The following KRT34 variants were observed in gnomAD, a reference collection of about 807,000 sequenced individuals.
KRT34 encodes keratin, type I cuticular Ha4.
A neutral mutation model predicts 41.7 loss-of-function variants in KRT34; 31 were observed. That is an observed-to-expected ratio of 0.74 (90% CI 0.56 to 1.00). The LOEUF (loss-of-function observed/expected upper bound fraction) is 1.00. Among genes scored for constraint, KRT34 ranks in the 50% least tolerant of loss-of-function variants. KRT34 has a pLI of 0.00. For missense variants in KRT34, 523 were observed against 500.3 expected (o/e 1.05, Z -0.43); for synonymous variants, 224 against 212.9 (o/e 1.05, Z -0.45).
At position 41,379,603 on chromosome 17, in the gene KRT34, G is replaced by A; in HGVS notation, c.717C>T (p.Asn239=). The A allele has an allele frequency of 6.2e-7, 1 of 1,614,114 alleles. No individual in the cohort carries two copies. The highest frequency in any genetic ancestry group is 1.7e-5 in the Admixed American group (1 of 60,018). ...RSQYEALVEI[N]RREVEQWFAT... ...CGAACCATTGCTCCACTTCCCTGCGGTTAATTTCCACCAGAGCCTCATACT... is the reference window on the plus strand; with the variant it reads ...CGAACCATTGCTCCACTTCCCTGCGATTAATTTCCACCAGAGCCTCATACT... The change falls in exon 4 of 7, where the codon AAC becomes AAT. Residue 239 remains asparagine (N), a synonymous_variant. Transcript: ENST00000394001.
chr17:41,381,174 G>A lies in KRT34; in HGVS notation c.470C>T (p.Ser157Leu), dbSNP rs369835340. Residue 157 changes from serine (S) to leucine (L), a missense_variant, in exon 3 of 7, where the codon TCG becomes TTG. Coordinates refer to ENST00000394001, the MANE Select transcript of KRT34 (RefSeq NM_001386014.1). ...GATCCTGCGTATGCTGTTGATGTCC[G>A]ACTCCACCAACAGCCTCAGGGACTG... is the stretch of plus-strand genomic sequence containing the variant. ...TEQSLRLLVESDINSIRRILD... is the reference protein window; with the variant it reads ...TEQSLRLLVELDINSIRRILD... 2.1e-5 allele frequency: 34 copies of A among 1,613,982 alleles called. No individual in the cohort carries two copies. Among genetic ancestry groups the A allele is most frequent in the African/African-American group, 6.7e-5 (5 of 74,914 alleles).
Position 41,381,986 on chromosome 17 carries a change from G to C in KRT34, c.261C>G (p.Leu87=). Residue 87 remains leucine (L), a synonymous_variant, in exon 1 of 7, where the codon CTC becomes CTG. Coordinates refer to ENST00000394001, the MANE Select transcript of KRT34 (RefSeq NM_001386014.1). The part of the protein sequence containing the change: ...LERDNAELEK[L]IQERSQQQEP... ...CCTGCTGCTGGGACCGCTCCTGGAT[G>C]AGTTTCTCCAGCTCCGCGTTGTCCC... The C allele has an allele frequency of 6.2e-7, 1 of 1,614,278 alleles. No homozygotes were observed. The highest frequency in any genetic ancestry group is 8.5e-7 in the Non-Finnish European group (1 of 1,180,054).
At chr17:41,380,347 C>G (rs2017954763) in intron 3 of KRT34, among the ~76,000 whole-genome samples, 1 of 152,196 alleles carries the variant, frequency 6.6e-6, no homozygotes, top group Non-Finnish European at 1.5e-5. Flanking sequence ...GGGATCACGT[C>G]AATTGTTGTC....
rs1053377458 is a variant in KRT34, at chr17:41,379,001, C to T, written c.1052G>A (p.Cys351Tyr). ...GAGGCTCCGGTACGTGTTGATCTCA[C>T]ACTCCAGCCGGGCACGCACGTCCAG... ...VLLDVRARLECEINTYRSLLE... is the reference protein window; with the variant it reads ...VLLDVRARLEYEINTYRSLLE... Residue 351 changes from cysteine (C) to tyrosine (Y), a missense_variant, in exon 6 of 7, where the codon TGT (cysteine) becomes TAT (tyrosine). Transcript: ENST00000394001. 1.9e-6 allele frequency: 3 copies of T among 1,613,240 alleles called. No individual in the cohort carries two copies. In the African/African-American group the frequency reaches 4.0e-5, roughly 22 times the overall value.
At chr17:41,383,424 G>C (rs1233970769), upstream of KRT34, among the ~76,000 whole-genome samples, 1 of 152,172 alleles carries the variant, frequency 6.6e-6, no homozygotes, top group African/African-American at 2.4e-5. Flanking sequence ...AGAGACTATA[G>C]TGTCCACAAA....
At position 41,379,492 on chromosome 17, in the gene KRT34, G is replaced by A. The variant is rs756227357; in HGVS notation, c.751-14C>T. The A allele has an allele frequency of 1.2e-6, 2 of 1,614,246 alleles. No homozygotes were observed. Among genetic ancestry groups the A allele is most frequent in the Non-Finnish European group, 1.7e-6 (2 of 1,180,038 alleles). The stretch of plus-strand genomic sequence containing the variant: ...CAGCTCCTCGGTCTGAAACACCCAA[G>A]TGGGGAAAGGATCAGACCCTGTCTC... On this transcript the variant is annotated splice_polypyrimidine_tract_variant and intron_variant, in intron 4 of 6. Transcript: ENST00000394001.
intron 3 of KRT34, among the ~76,000 whole-genome samples, 197 bp downstream of exon 3, chr17:41,380,859 C>T (rs2017964877): frequency 6.6e-6 from 1 of 152,160 alleles, no homozygotes; most frequent in Admixed American, 6.5e-5. Context: ...CCAACACCTG[C>T]CTAACCCTCA....
intron 2 of KRT34, 79 bp downstream of exon 2, chr17:41,381,634 T>C: frequency 8.0e-7 from 1 of 1,247,760 alleles, no homozygotes; most frequent in Non-Finnish European, 1.2e-6. Context: ...TAGAGAGAAA[T>C]GGCTTTCTCC....
rs773980852 is a variant in KRT34, at chr17:41,381,997, G to A, written c.250C>T (p.Leu84=). 4 of 1,614,270 alleles carry A rather than the reference G, an allele frequency of 2.5e-6. No homozygotes were observed. In the South Asian group the frequency reaches 4.4e-5, roughly 18 times the overall value. The change falls in exon 1 of 7, where the codon CTG becomes TTG. Residue 84 remains leucine, a synonymous_variant. Coordinates refer to ENST00000394001, the MANE Select transcript of KRT34 (RefSeq NM_001386014.1). ...VRQLERDNAE[L]EKLIQERSQQ... ...GACCGCTCCTGGATGAGTTTCTCCA[G>A]CTCCGCGTTGTCCCGCTCCAGCTGA...
chr17:41,382,430 T>C (rs1467090446), upstream of KRT34: 1 of 1,376,256 alleles, frequency 7.3e-7, no homozygotes, highest in African/African-American at 1.4e-5. Flanking sequence ...GTTAGATGCT[T>C]CTAAAGAGTC....
Position 41,379,689 on chromosome 17 carries a change from C to G in KRT34, c.631G>C (p.Val211Leu), listed in dbSNP as rs140296098. ...LRSQLGDRLNVEVDTAPTVDL... is the reference protein window; with the variant it reads ...LRSQLGDRLNLEVDTAPTVDL... Reference sequence around the variant, plus strand: ...ACAGTGGGGGCAGTGTCCACCTCCACGTTGAGGCGGTCTCCAAGCTGGGAG... The same window carrying G: ...ACAGTGGGGGCAGTGTCCACCTCCAGGTTGAGGCGGTCTCCAAGCTGGGAG... The change falls in exon 4 of 7, where the codon GTG (valine) becomes CTG (leucine). Residue 211 changes from valine to leucine, a missense_variant. Physicochemically the swap from Val to Leu is conservative, Grantham distance 32. Transcript: ENST00000394001. 43 of 1,613,110 alleles carry G rather than the reference C, an allele frequency of 2.7e-5. No individual in the cohort carries two copies. In the East Asian group the frequency reaches 8.2e-4, roughly 31 times the overall value.
chr17:41,383,462 T>C (rs370411762), upstream of KRT34, among the ~76,000 whole-genome samples: 95 of 152,272 alleles, frequency 6.2e-4, no homozygotes, highest in East Asian at 0.015. Flanking sequence ...TTTGCCAACT[T>C]GTACTAAAGC....
In KRT34 at chr17:41,382,104, C is replaced by G; in HGVS notation, c.143G>C (p.Cys48Ser). The part of the protein sequence containing the change: ...PANVSNCNWF[C>S]EGSFNGSEKE... Reference sequence around the variant, plus strand: ...CTCGCTGCCATTGAAGGAGCCCTCACAGAACCAGTTGCAGTTGCTCACATT... The same window carrying G: ...CTCGCTGCCATTGAAGGAGCCCTCAGAGAACCAGTTGCAGTTGCTCACATT... The change falls in exon 1 of 7, where the codon TGT becomes TCT. Residue 48 changes from cysteine (C) to serine (S), a missense_variant. Physicochemically the swap from Cys to Ser is moderately radical, Grantham distance 112. Coordinates refer to ENST00000394001, the MANE Select transcript of KRT34 (RefSeq NM_001386014.1). 1 of 1,612,652 alleles carries G rather than the reference C, an allele frequency of 6.2e-7. No individual in the cohort carries two copies. Among genetic ancestry groups the G allele is most frequent in the Non-Finnish European group, 8.5e-7 (1 of 1,180,048 alleles).
chr17:41,383,075 A>T (rs1339207912), upstream of KRT34, among the ~76,000 whole-genome samples: 4 of 150,676 alleles, frequency 2.7e-5, no homozygotes, highest in Non-Finnish European at 4.4e-5. Flanking sequence ...GCTGGAGTGC[A>T]GTGGCACGAT....
chr17:41,378,143 G>C lies in KRT34; in HGVS notation c.1101C>G (p.Leu367=). Residue 367 remains leucine, a synonymous_variant, in exon 7 of 7, where the codon CTC becomes CTG. Coordinates refer to ENST00000394001, the MANE Select transcript of KRT34 (RefSeq NM_001386014.1). Reference sequence around the variant, plus strand: ...TGGTGGTGGCGCATGGGTTGCAGGGGAGCCTAGGAGGACAAGGAGGTTTAG... The same window carrying C: ...TGGTGGTGGCGCATGGGTTGCAGGGCAGCCTAGGAGGACAAGGAGGTTTAG... ...RSLLESEDCK[L]PCNPCATTNA... 6.2e-7 allele frequency: 1 copy of C among 1,612,546 alleles called. No homozygotes were observed. The highest frequency in any genetic ancestry group is 1.1e-5 in the South Asian group (1 of 90,972).
upstream of KRT34, among the ~76,000 whole-genome samples, chr17:41,383,770 G>A (rs1227362382): frequency 6.6e-6 from 1 of 152,130 alleles, no homozygotes; most frequent in Non-Finnish European, 1.5e-5. Flanking sequence ...GATGCTTCCA[G>A]GACAAGCCAC....
In KRT34 at chr17:41,382,295, G is replaced by A. The variant is rs1455774831; in HGVS notation, c.-49C>T. The A allele has an allele frequency of 6.2e-7, 1 of 1,613,312 alleles. No individual in the cohort carries two copies. The highest frequency in any genetic ancestry group is 8.5e-7 in the Non-Finnish European group (1 of 1,180,040). ...AGCAGGTAAGCTGCTGGAGGTGGAT[G>A]TGGGCAGGTTTGAGTCTCTCCTTCC... On this transcript the variant is annotated 5_prime_UTR_variant, in exon 1 of 7. Coordinates refer to ENST00000394001, the MANE Select transcript of KRT34 (RefSeq NM_001386014.1).
In KRT34 at chr17:41,378,030, T is replaced by C; in HGVS notation, c.*29A>G. 1 of 1,532,344 alleles carries C rather than the reference T, an allele frequency of 6.5e-7. No homozygotes were observed. Among genetic ancestry groups the C allele is most frequent in the Non-Finnish European group, 9.0e-7 (1 of 1,105,994 alleles). 94.9% of individuals were successfully genotyped at this position (1,532,344 alleles called of 1,614,324 possible). A position where few individuals can be genotyped will look rare whatever the true frequency, so the allele number is the denominator to read the frequency against. ...CCTGTGGTTGATCTAAATGGCTTTG[T>C]AGATGTCTTCAAAGAGGATACAAGC... On this transcript the variant is annotated 3_prime_UTR_variant, in exon 7 of 7. Transcript: ENST00000394001.
chr17:41,378,190 T>A, intron 6 of KRT34, 44 bp from the exon 7 acceptor site: 1 of 1,263,308 alleles, frequency 7.9e-7, no homozygotes, highest in Non-Finnish European at 1.2e-6. Flanking sequence ...GAGGAGGTTT[T>A]AATGCACACA....
Sources: gnomAD v4.1 joint callset for allele counts (sites outside exome capture counted in the v4.1 genomes callset) on GRCh38, gnomAD v4.1.1 for gene constraint, MANE v1.5 for transcripts, NCBI Gene and HGNC (gene_info 2026-07-23, HGNC 2026-07-21) for gene names.